Variants in MAPRE2 observed in about 807,000 individuals in gnomAD.
MAPRE2 encodes the protein microtubule-associated protein RP/EB family member 2.
In MAPRE2, 13 loss-of-function variants were observed where a neutral mutation model predicts 43.2. That is an observed-to-expected ratio of 0.30 (90% CI 0.20 to 0.48). MAPRE2 has a LOEUF of 0.48. Ranked by LOEUF, MAPRE2 falls within the 20% of genes least tolerant of loss-of-function variation. The pLI is 0.99. For missense variants in MAPRE2, 161 were observed against 400.2 expected (o/e 0.40, Z 5.10); for synonymous variants, 135 against 148.8 (o/e 0.91, Z 0.68).
rs368131588 is a variant in MAPRE2 at position 35,121,823 on chromosome 18, C to T, written c.611-5125C>T. ...TATTGAGGACTTCAGTATCTAAAAC[C>T]AGGATTGGATGCTGTCAGAGACATG... On this transcript the variant is annotated intron_variant, in intron 4 of 6. Coordinates refer to ENST00000300249, the MANE Select transcript of MAPRE2 (RefSeq NM_014268.4). Among the ~76,000 whole-genome samples, 12 of 152,242 alleles carry T rather than the reference C, an allele frequency of 7.9e-5. 1 individual carries two copies. Among genetic ancestry groups the T allele is most frequent in the Admixed American group, 3.9e-4 (6 of 15,298 alleles).
intron 4 of MAPRE2, among the ~76,000 whole-genome samples, chr18:35,103,828 TGAAA>T (rs562216744): frequency 1.4e-3 from 211 of 152,270 alleles, no homozygotes; most frequent in Non-Finnish European, 2.4e-3. Context: ...AAATGAGGCC[TGAAA>T]GAGTTCATTA....
intron 2 of MAPRE2, among the ~76,000 whole-genome samples, 178 bp from the exon 3 acceptor site, chr18:35,097,268 C>T (rs1157971611): frequency 1.3e-5 from 2 of 152,140 alleles, no homozygotes; most frequent in Non-Finnish European, 1.5e-5. Flanking sequence ...GGTACAGTCC[C>T]TTCCCTCTAG....
intron 1 of MAPRE2, among the ~76,000 whole-genome samples, chr18:34,977,668 A>G (rs569218903): frequency 3.9e-5 from 6 of 152,014 alleles, no homozygotes; most frequent in Admixed American, 2.6e-4. Flanking sequence ...GACGCCGGCC[A>G]CCATCCGCGC....
At chr18:35,047,728 A>AC (rs1603393917) in intron 1 of MAPRE2, among the ~76,000 whole-genome samples, 1 of 151,856 alleles carries the variant, frequency 6.6e-6, no homozygotes, top group African/African-American at 2.4e-5. Flanking sequence ...AAAAAAAAAA[A>AC]AAAACACTGT....
intron 3 of MAPRE2, 86 bp downstream of exon 3, chr18:35,097,677 A>G (rs1365039672): frequency 5.8e-6 from 7 of 1,206,302 alleles, no homozygotes; most frequent in East Asian, 2.5e-5. Flanking sequence ...GAGCATACCA[A>G]TGGGATATAT....
chr18:34,977,079 G>T, exon 1 of MAPRE2: 1 of 159,656 alleles, frequency 6.3e-6, no homozygotes, highest in Non-Finnish European at 1.4e-5. Flanking sequence ...CGCCGGAGCA[G>T]GTGAGTCAAG....
intron 4 of MAPRE2, among the ~76,000 whole-genome samples, chr18:35,105,685 T>C (rs1908871384): frequency 6.6e-6 from 1 of 151,940 alleles, no homozygotes; most frequent in Admixed American, 6.6e-5. Flanking sequence ...GTAATAAAGA[T>C]GGGGATGTGG....
chr18:34,984,136 A>G (rs2097017804), intron 1 of MAPRE2, among the ~76,000 whole-genome samples: 1 of 152,212 alleles, frequency 6.6e-6, no homozygotes, highest in Admixed American at 6.5e-5. Context: ...ATCTTAAATT[A>G]TTTCCAGTCT....
intron 4 of MAPRE2, among the ~76,000 whole-genome samples, chr18:35,118,266 G>A (rs1447787962): frequency 6.6e-6 from 1 of 152,162 alleles, no homozygotes; most frequent in Non-Finnish European, 1.5e-5. Context: ...TCTCCCAGGG[G>A]CAGAGCCATT....
chr18:35,069,374 ATAT>A (rs1442818624), intron 1 of MAPRE2, among the ~76,000 whole-genome samples: 4 of 139,384 alleles, frequency 2.9e-5, no homozygotes, highest in East Asian at 4.4e-4. Flanking sequence ...AGGTGTGATA[ATAT>A]TCTGTTTTTT....
chr18:35,046,682 A>G (rs624789), intron 1 of MAPRE2, among the ~76,000 whole-genome samples: 16,771 of 152,210 alleles, frequency 0.11, 1,133 homozygotes, highest in African/African-American at 0.19. Context: ...CGGGATCCCA[A>G]TGCACCACTG....
At chr18:35,021,549 T>G (rs901656515) in intron 2 of MAPRE2, among the ~76,000 whole-genome samples, 1 of 152,086 alleles carries the variant, frequency 6.6e-6, no homozygotes, top group African/African-American at 2.4e-5. Context: ...CAAAAAGTAT[T>G]GCATCCCTTA....
upstream of MAPRE2, among the ~76,000 whole-genome samples, chr18:35,037,461 T>G (rs1421151126): frequency 6.6e-6 from 1 of 152,216 alleles, no homozygotes. Context: ...TCTGGTGAAG[T>G]CAATCCCAGG....
chr18:35,038,716 G>T (rs2097051950), upstream of MAPRE2, among the ~76,000 whole-genome samples: 1 of 152,152 alleles, frequency 6.6e-6, no homozygotes, highest in Non-Finnish European at 1.5e-5. Flanking sequence ...TTTCCCTAGG[G>T]CTCAGCTGGA....
At chr18:35,129,111 C>G (rs1910034096) in intron 5 of MAPRE2, among the ~76,000 whole-genome samples, 1 of 152,242 alleles carries the variant, frequency 6.6e-6, no homozygotes, top group Non-Finnish European at 1.5e-5. Context: ...CCTGCCTCCC[C>G]ATTTCTGCCC....
chr18:35,039,390 G>A (rs2097052359), upstream of MAPRE2, among the ~76,000 whole-genome samples: 1 of 152,224 alleles, frequency 6.6e-6, no homozygotes, highest in African/African-American at 2.4e-5. Flanking sequence ...GAAGCTTGGT[G>A]TGTATCTTTG....
At chr18:34,978,281 T>G in intron 1 of MAPRE2, 1 of 587,406 alleles carries the variant, frequency 1.7e-6, no homozygotes, top group Non-Finnish European at 3.0e-6. Context: ...CTAAAAATAC[T>G]ATCGTGCTGT....
intron 2 of MAPRE2, among the ~76,000 whole-genome samples, chr18:35,017,228 T>TATCA (rs1267582428): frequency 1.5e-5 from 2 of 137,628 alleles, no homozygotes; most frequent in Admixed American, 1.6e-4. Flanking sequence ...AGTAATGTGA[T>TATCA]GCCTCCGGTT....
At chr18:35,107,596 T>C (rs1908966229) in intron 4 of MAPRE2, among the ~76,000 whole-genome samples, 1 of 152,144 alleles carries the variant, frequency 6.6e-6, no homozygotes, top group Admixed American at 6.6e-5. Context: ...TTTTCATCCT[T>C]GTTCTGATCT....
Sources: gnomAD v4.1 joint callset for allele counts (sites outside exome capture counted in the v4.1 genomes callset) on GRCh38, gnomAD v4.1.1 for gene constraint, MANE v1.5 for transcripts, NCBI Gene and HGNC (gene_info 2026-07-23, HGNC 2026-07-21) for gene names.